Variants in IFT122 observed in about 807,000 individuals in gnomAD.
IFT122 encodes the protein intraflagellar transport 122.
Under a neutral mutation model 161.6 loss-of-function variants are expected in IFT122, and 118 were observed. The observed-to-expected ratio is 0.73, with a 90% CI of 0.63 to 0.85. The LOEUF (loss-of-function observed/expected upper bound fraction) is 0.85. Ranked by LOEUF, IFT122 falls within the 40% of genes least tolerant of loss-of-function variation. IFT122 has a pLI of 0.00. For missense variants in IFT122, 1,381 were observed against 1,579.6 expected (o/e 0.87, Z 2.13); for synonymous variants, 550 against 602.4 (o/e 0.91, Z 1.27).
chr3:129,470,238 TTTTATTTATTTA>T (rs143376223), intron 9 of IFT122, among the ~76,000 whole-genome samples: 39 of 151,296 alleles, frequency 2.6e-4, no homozygotes, highest in Admixed American at 1.9e-3. Context: ...GGGTATGATT[TTTTATTTATTTA>T]TTTATTTATT....
chr3:129,507,225 C>T (rs547820247), intron 22 of IFT122, among the ~76,000 whole-genome samples: 2 of 152,236 alleles, frequency 1.3e-5, no homozygotes, highest in Non-Finnish European at 2.9e-5. Context: ...GGTGTAAGGT[C>T]GCATTTTTCT....
chr3:129,463,539 T>C (rs746075285), intron 5 of IFT122, 21 bp from the exon 6 acceptor site: 1 of 1,607,894 alleles, frequency 6.2e-7, no homozygotes, highest in Non-Finnish European at 8.5e-7. Context: ...CCATCTTCTT[T>C]TATATTATTG....
intron 1 of IFT122, among the ~76,000 whole-genome samples, 176 bp from the exon 2 acceptor site, chr3:129,449,695 G>A (rs1270442934): frequency 6.6e-6 from 1 of 152,240 alleles, no homozygotes; most frequent in Non-Finnish European, 1.5e-5. Flanking sequence ...TGATTGAATG[G>A]GCTGCTGTGG....
Position 129,494,126 on chromosome 3 carries a change from C to T in IFT122, c.2047-1320C>T, listed in dbSNP as rs147554530. Reference sequence around the variant, plus strand: ...CATGCACCTGCTGAGTGCCATAGATCGTTTTTATTGGTCATGGTGATATCC... The same window carrying T: ...CATGCACCTGCTGAGTGCCATAGATTGTTTTTATTGGTCATGGTGATATCC... On this transcript the variant is annotated intron_variant, in intron 17 of 29. Coordinates refer to ENST00000348417, the MANE Select transcript of IFT122 (RefSeq NM_052989.3). 2.2e-3 allele frequency among the ~76,000 whole-genome samples: 328 copies of T among 152,070 alleles called. 7 individuals are homozygous for T. The South Asian group carries it at 0.033, about 15-fold the overall frequency.
chr3:129,497,533 C>T (rs2081020713), intron 18 of IFT122, among the ~76,000 whole-genome samples: 1 of 152,218 alleles, frequency 6.6e-6, no homozygotes, highest in Non-Finnish European at 1.5e-5. Context: ...ACCTCTCTCC[C>T]TGGCTGGCCC....
At chr3:129,515,917 G>T (rs1308970518) in intron 26 of IFT122, among the ~76,000 whole-genome samples, 1 of 152,120 alleles carries the variant, frequency 6.6e-6, no homozygotes, top group East Asian at 1.9e-4. Context: ...AGGTTATCAA[G>T]GCCCAGCTCC....
Position 129,483,674 on chromosome 3 carries a change from G to A in IFT122, c.1843G>A (p.Val615Met), listed in dbSNP as rs1473804283. 12 of 1,594,336 alleles carry A rather than the reference G, an allele frequency of 7.5e-6. No homozygotes were observed. The highest frequency in any genetic ancestry group is 1.0e-5 in the Non-Finnish European group (12 of 1,170,184). ...LHVFSISAVE[V>M]PQSAPMYQYL... ...TGTCTTCTCCATTTCTGCCGTGGAG[G>A]TGCCGCAGGTAACTGGGGGTGCCTG... is the stretch of plus-strand genomic sequence containing the variant. The change falls in exon 15 of 30, where the codon GTG becomes ATG. Residue 615 changes from valine to methionine, a missense_variant. Physicochemically the swap from Val to Met is conservative, Grantham distance 21 (BLOSUM62 1). Coordinates refer to ENST00000348417, the MANE Select transcript of IFT122 (RefSeq NM_052989.3).
At chr3:129,467,835 G>T (rs190048560) in intron 8 of IFT122, among the ~76,000 whole-genome samples, 5 of 152,354 alleles carry the variant, frequency 3.3e-5, no homozygotes, top group Admixed American at 6.5e-5. Context: ...TGAGGTCATG[G>T]GGGCTGGGAA....
At chr3:129,467,134 C>T (rs2076891825) in intron 8 of IFT122, 68 bp downstream of exon 8, 18 of 1,483,228 alleles carry the variant, frequency 1.2e-5, no homozygotes, top group Non-Finnish European at 1.7e-5. Context: ...CTTGCCAGGA[C>T]AGATGTTAAA....
At chr3:129,462,280 T>C (rs931353995) in intron 5 of IFT122, among the ~76,000 whole-genome samples, 4 of 152,338 alleles carry the variant, frequency 2.6e-5, no homozygotes, top group Admixed American at 2.6e-4. Flanking sequence ...CTTGTGGTCT[T>C]AGGAGAAGGT....
At chr3:129,479,660 G>T in intron 12 of IFT122, 125 bp from the exon 13 acceptor site, 2 of 1,207,364 alleles carry the variant, frequency 1.7e-6, no homozygotes, top group East Asian at 2.3e-5. Context: ...GTCTACATTG[G>T]GTTAGATAGA....
intron 4 of IFT122, among the ~76,000 whole-genome samples, chr3:129,459,156 GC>G (rs1457879485): frequency 6.6e-6 from 1 of 152,164 alleles, no homozygotes; most frequent in Non-Finnish European, 1.5e-5. Flanking sequence ...GGACTTTCCT[GC>G]CTCTCTAGAC....
intron 18 of IFT122, among the ~76,000 whole-genome samples, chr3:129,496,925 G>A (rs1244057764): frequency 3.9e-4 from 59 of 152,284 alleles, no homozygotes; most frequent in Non-Finnish European, 2.9e-5. Flanking sequence ...GACCCTAGAG[G>A]TAGAATTTAG....
intron 14 of IFT122, among the ~76,000 whole-genome samples, chr3:129,482,107 A>G (rs1395437869): frequency 6.6e-6 from 1 of 152,220 alleles, no homozygotes; most frequent in Non-Finnish European, 1.5e-5. Flanking sequence ...ATGCGCACCT[A>G]CAGCGTGGGA....
chr3:129,503,691 T>C (rs1028743762), intron 20 of IFT122, among the ~76,000 whole-genome samples: 2 of 152,156 alleles, frequency 1.3e-5, no homozygotes, highest in Admixed American at 6.5e-5. Flanking sequence ...ATGAGGTCAG[T>C]CATGAGAAAA....
intron 1 of IFT122, among the ~76,000 whole-genome samples, chr3:129,442,983 G>A (rs1385120095): frequency 6.6e-6 from 1 of 152,152 alleles, no homozygotes; most frequent in East Asian, 1.9e-4. Context: ...TCTCAACCAG[G>A]ATGTCTTATT....
intron 18 of IFT122, among the ~76,000 whole-genome samples, chr3:129,497,042 A>T (rs1190466997): frequency 6.6e-6 from 1 of 152,190 alleles, no homozygotes; most frequent in Non-Finnish European, 1.5e-5. Context: ...GCACTTTGGG[A>T]GGCTGAAGTG....
Position 129,496,651 on chromosome 3 carries a change from A to G in IFT122, c.2208+1044A>G, listed in dbSNP as rs576461433. On this transcript the variant is annotated intron_variant, in intron 18 of 29. Coordinates refer to ENST00000348417, the MANE Select transcript of IFT122 (RefSeq NM_052989.3). ...TTGGTGGCCTGTGATGTTGCCCAGG[A>G]CCTATTGTTCATCAGGACTTGGACG... Among the ~76,000 whole-genome samples the G allele has an allele frequency of 5.3e-5, 8 of 152,132 alleles. No individual in the cohort carries two copies. In the South Asian group the frequency reaches 1.5e-3, roughly 28 times the overall value.
chr3:129,492,698 G>C (rs965745933), intron 17 of IFT122, among the ~76,000 whole-genome samples: 3 of 151,934 alleles, frequency 2.0e-5, no homozygotes, highest in Admixed American at 2.0e-4. Context: ...TAGCCCTACT[G>C]TTTCTGGCTG....
Sources: gnomAD v4.1 joint callset for allele counts (sites outside exome capture counted in the v4.1 genomes callset) on GRCh38, gnomAD v4.1.1 for gene constraint, MANE v1.5 for transcripts, NCBI Gene and HGNC (gene_info 2026-07-23, HGNC 2026-07-21) for gene names.